Variants in RNLS observed in about 807,000 individuals in gnomAD.
RNLS encodes renalase.
RNLS carries 39 observed loss-of-function variants against 39.8 expected under a neutral mutation model. The ratio of observed to expected loss-of-function variants is 0.98; its 90% CI spans 0.76 to 1.28. The LOEUF (loss-of-function observed/expected upper bound fraction) is 1.28. Among genes scored for constraint, RNLS ranks in the 50% most tolerant of loss-of-function variants. The pLI is 0.00. For missense variants in RNLS, 410 were observed against 413.3 expected (o/e 0.99, Z 0.07); for synonymous variants, 147 against 150.7 (o/e 0.98, Z 0.18).
intron 4 of RNLS, among the ~76,000 whole-genome samples, chr10:88,538,803 G>T (rs1416560823): frequency 2.6e-5 from 4 of 151,994 alleles, no homozygotes; most frequent in African/African-American, 9.7e-5. Context: ...GCTGACTTGG[G>T]CTACGGAAGG....
chr10:88,395,814 A>G (rs1852524119), intron 4 of RNLS, among the ~76,000 whole-genome samples: 1 of 152,126 alleles, frequency 6.6e-6, no homozygotes, highest in Non-Finnish European at 1.5e-5. Context: ...ACTGAAATAC[A>G]AAGACAAAGA....
intron 4 of RNLS, among the ~76,000 whole-genome samples, chr10:88,425,195 A>C (rs75938471): frequency 0.043 from 6,486 of 152,230 alleles, 344 homozygotes; most frequent in South Asian, 0.12. Flanking sequence ...TCATCAGAAC[A>C]GATGGCAGAG....
intron 4 of RNLS, among the ~76,000 whole-genome samples, chr10:88,417,723 T>G (rs144069888): frequency 3.1e-4 from 47 of 152,290 alleles, no homozygotes; most frequent in African/African-American, 1.1e-3. Flanking sequence ...ACATCTAGCC[T>G]AGAGGATGGG....
At chr10:88,190,664 T>C in the RNLS span, among the ~76,000 whole-genome samples, 41 of 152,358 alleles carry the variant, frequency 2.7e-4, no homozygotes, top group South Asian at 3.3e-3. Context: ...TTTCCTTATA[T>C]GCTATAAGCG....
At chr10:88,297,357 T>C (rs1844165850) in intron 6 of RNLS, among the ~76,000 whole-genome samples, 1 of 152,210 alleles carries the variant, frequency 6.6e-6, no homozygotes, top group South Asian at 2.1e-4. Flanking sequence ...TCACATAGCA[T>C]GTTTTCTTGT....
intron 4 of RNLS, among the ~76,000 whole-genome samples, chr10:88,449,510 C>G (rs1564808513): frequency 6.6e-6 from 1 of 152,216 alleles, no homozygotes; most frequent in Non-Finnish European, 1.5e-5. Flanking sequence ...TAACTTTCCA[C>G]TTTCCTTAGA....
At chr10:88,310,630 A>G (rs1042487456) in intron 6 of RNLS, among the ~76,000 whole-genome samples, 2 of 151,734 alleles carry the variant, frequency 1.3e-5, no homozygotes, top group African/African-American at 4.8e-5. Flanking sequence ...GTGACTACAA[A>G]CATTTTAAAA....
At position 88,357,419 on chromosome 10, in the gene RNLS, CA is replaced by C. The variant is rs1849276981; in HGVS notation, c.700+5132del. Among the ~76,000 whole-genome samples the C allele has an allele frequency of 1.3e-5, 2 of 152,130 alleles. 1 individual carries two copies. Among genetic ancestry groups the C allele is most frequent in the South Asian group, 4.1e-4 (2 of 4,824 alleles). ...ACTATTCCTTATGTTCTCTACATGACAGATATTGCTGATTGTTGGAAGATCT... is the reference window on the plus strand; with the variant it reads ...ACTATTCCTTATGTTCTCTACATGACGATATTGCTGATTGTTGGAAGATCT... On this transcript the variant is annotated intron_variant, in intron 5 of 6. Transcript: ENST00000331772.
At chr10:88,348,281 A>G (rs806695) in intron 5 of RNLS, among the ~76,000 whole-genome samples, 39,241 of 152,144 alleles carry the variant, frequency 0.26, 5,938 homozygotes, top group Non-Finnish European at 0.35. Flanking sequence ...ATGAACAGTC[A>G]TCTGATTCTC....
intron 4 of RNLS, among the ~76,000 whole-genome samples, chr10:88,486,470 G>C (rs1005575813): frequency 6.6e-6 from 1 of 151,672 alleles, no homozygotes; most frequent in South Asian, 2.1e-4. Flanking sequence ...CCATGCATCC[G>C]ACAAAGGCCT....
At chr10:88,327,463 C>T (rs572634939) in intron 5 of RNLS, among the ~76,000 whole-genome samples, 13 of 152,202 alleles carry the variant, frequency 8.5e-5, no homozygotes, top group Admixed American at 5.9e-4. Flanking sequence ...CTTCTCTCTC[C>T]TGCTGCCACA....
In RNLS at chr10:88,436,311, A is replaced by G. The variant is rs139164538; in HGVS notation, c.527-73586T>C. On this transcript the variant is annotated intron_variant, in intron 4 of 6. Coordinates refer to ENST00000331772, the MANE Select transcript of RNLS (RefSeq NM_001031709.3). Reference sequence around the variant, plus strand: ...TGTGTAGGATGCCACACAGAGGGTCAGCAAGAGACTCATCCGGCAGCCTCT... The same window carrying G: ...TGTGTAGGATGCCACACAGAGGGTCGGCAAGAGACTCATCCGGCAGCCTCT... Among the ~76,000 whole-genome samples, 253 of 152,276 alleles carry G rather than the reference A, an allele frequency of 1.7e-3. 2 individuals carry two copies. The Middle Eastern group carries it at 0.024, about 14-fold the overall frequency.
chr10:88,527,866 A>G (rs1169521653), intron 4 of RNLS, among the ~76,000 whole-genome samples: 1 of 152,086 alleles, frequency 6.6e-6, no homozygotes, highest in African/African-American at 2.4e-5. Context: ...AAAATCTGGG[A>G]AAAAAGTTTG....
At chr10:88,311,995 G>A (rs950121734) in intron 6 of RNLS, among the ~76,000 whole-genome samples, 1 of 152,188 alleles carries the variant, frequency 6.6e-6, no homozygotes, top group Admixed American at 6.5e-5. Flanking sequence ...GAGGAAGAAG[G>A]AAACAATGCC....
intron 5 of RNLS, among the ~76,000 whole-genome samples, chr10:88,317,885 AG>A (rs1302156089): frequency 6.6e-6 from 1 of 152,182 alleles, no homozygotes; most frequent in Non-Finnish European, 1.5e-5. Flanking sequence ...CCCTGTGCTA[AG>A]GGGTAGTGGG....
At chr10:88,335,591 T>A in intron 5 of RNLS, among the ~76,000 whole-genome samples, 1 of 152,206 alleles carries the variant, frequency 6.6e-6, no homozygotes, top group East Asian at 1.9e-4. Flanking sequence ...AATCCTCACT[T>A]AATGGTGGCT....
the RNLS span, among the ~76,000 whole-genome samples, chr10:88,214,403 G>A: frequency 6.6e-6 from 1 of 150,608 alleles, no homozygotes; most frequent in African/African-American, 2.4e-5. Flanking sequence ...GGTTTGGTGT[G>A]AAGGAAAATC....
At chr10:88,261,090 A>T in the RNLS span, among the ~76,000 whole-genome samples, 3 of 152,266 alleles carry the variant, frequency 2.0e-5, no homozygotes, top group Non-Finnish European at 2.9e-5. Flanking sequence ...AATTTCTGAT[A>T]ATGGCTGGAA....
At chr10:88,206,748 C>T in the RNLS span, among the ~76,000 whole-genome samples, 3 of 152,228 alleles carry the variant, frequency 2.0e-5, no homozygotes, top group African/African-American at 4.8e-5. Context: ...CTCAGGAGAA[C>T]GAAGCCATCG....
Sources: gnomAD v4.1 joint callset for allele counts (sites outside exome capture counted in the v4.1 genomes callset) on GRCh38, gnomAD v4.1.1 for gene constraint, MANE v1.5 for transcripts, NCBI Gene and HGNC (gene_info 2026-07-23, HGNC 2026-07-21) for gene names.